The following PGM5 variants were observed in gnomAD, a reference collection of about 807,000 sequenced individuals.
PGM5 encodes the protein phosphoglucomutase 5.
A neutral mutation model predicts 59.2 loss-of-function variants in PGM5; 23 were observed. The observed-to-expected ratio is 0.39, with a 90% CI of 0.28 to 0.55. The LOEUF (loss-of-function observed/expected upper bound fraction) is 0.55. Among genes scored for constraint, PGM5 ranks in the 20% least tolerant of loss-of-function variants. The probability of loss-of-function intolerance (pLI) is 0.66; values close to 1 mark genes in which losing one functional copy is unlikely to be tolerated. For synonymous variants in PGM5, 214 were observed against 286.0 expected, an observed-to-expected ratio of 0.75 and a Z score of 2.54; for missense variants, 574 against 748.3, an observed-to-expected ratio of 0.77 and a Z score of 2.72.
chr9:68,469,400 A>G (rs993314374), intron 7 of PGM5, among the ~76,000 whole-genome samples: 1 of 152,162 alleles, frequency 6.6e-6, no homozygotes, highest in Non-Finnish European at 1.5e-5. Context: ...TTTTGTATGT[A>G]TTCATCTTTT....
Position 68,466,170 on chromosome 9 carries a change from G to A in PGM5, c.1159+962G>A, listed in dbSNP as rs140870907. 3.0e-3 allele frequency: 3,911 copies of A among 1,297,924 alleles called. 7 individuals carry two copies. Among genetic ancestry groups the A allele is most frequent in the Non-Finnish European group, 3.3e-3 (3,238 of 987,214 alleles). 80.4% of individuals were successfully genotyped at this position (1,297,924 alleles called of 1,614,324 possible). ...TTCTTCTTGTGTTTCAGTTTAGATC[G>A]TCTCTATTGGAACATCTTTAAGTTC... On this transcript the variant is annotated intron_variant, in intron 7 of 10. Coordinates refer to ENST00000396396, the MANE Select transcript of PGM5 (RefSeq NM_021965.4).
At chr9:68,463,182 GT>G (rs113568409) in intron 6 of PGM5, among the ~76,000 whole-genome samples, 5,883 of 139,908 alleles carry the variant, frequency 0.042, 232 homozygotes, top group African/African-American at 0.11. Flanking sequence ...GTTTCTAGAT[GT>G]TTTTTTTTTT....
intron 6 of PGM5, among the ~76,000 whole-genome samples, chr9:68,442,624 A>AAAT (rs1823547539): frequency 6.6e-6 from 1 of 152,250 alleles, no homozygotes; most frequent in Non-Finnish European, 1.5e-5. Flanking sequence ...AAATACACCT[A>AAAT]AATAAATGTG....
intron 6 of PGM5, among the ~76,000 whole-genome samples, chr9:68,431,035 G>A (rs1421202068): frequency 1.3e-5 from 2 of 152,178 alleles, no homozygotes; most frequent in Admixed American, 1.3e-4. Flanking sequence ...TAAATCCTGG[G>A]CCTTATGTCA....
intron 5 of PGM5, 84 bp downstream of exon 5, chr9:68,391,808 C>T: frequency 1.5e-6 from 2 of 1,368,558 alleles, no homozygotes; most frequent in Non-Finnish European, 2.0e-6. Context: ...ATGAACACAT[C>T]TGGAGCTAAC....
At chr9:68,489,739 A>G (rs375916856) in intron 9 of PGM5, among the ~76,000 whole-genome samples, 17 of 151,830 alleles carry the variant, frequency 1.1e-4, no homozygotes, top group African/African-American at 3.9e-4. Flanking sequence ...ACCAACTCCT[A>G]TATTTCTAAC....
intron 6 of PGM5, among the ~76,000 whole-genome samples, chr9:68,395,345 G>A (rs1287472464): frequency 2.2e-4 from 34 of 152,080 alleles, no homozygotes; most frequent in Middle Eastern, 3.4e-3. Context: ...TTGTTGATTC[G>A]TATGTAAATA....
chr9:68,363,714 A>G (rs1276212805), intron 1 of PGM5, among the ~76,000 whole-genome samples: 2 of 152,308 alleles, frequency 1.3e-5, no homozygotes, highest in Non-Finnish European at 2.9e-5. Flanking sequence ...AAGTCCATTC[A>G]GATGGTTGAG....
rs923918637 is a variant in PGM5 at position 68,502,724 on chromosome 9, C to T, written c.1614+3363C>T. On this transcript the variant is annotated intron_variant, in intron 10 of 10. Transcript: ENST00000396396. ...TTGTTTTTTGAGAGGAAGTCTCACT[C>T]TGTGGCCCAGGTTGAAGTGCAGTGG... is the stretch of plus-strand genomic sequence containing the variant. 3.3e-5 allele frequency among the ~76,000 whole-genome samples: 5 copies of T among 152,286 alleles called. No individual in the cohort carries two copies. In the East Asian group the frequency reaches 9.6e-4, roughly 29 times the overall value.
At chr9:68,394,719 C>G (rs1182369056) in intron 6 of PGM5, among the ~76,000 whole-genome samples, 2 of 151,664 alleles carry the variant, frequency 1.3e-5, no homozygotes, top group African/African-American at 4.8e-5. Context: ...CTGCTGGGCT[C>G]AAGCAATCCT....
intron 6 of PGM5, chr9:68,394,190 A>G (rs1554679777): frequency 1.3e-5 from 2 of 152,156 alleles, no homozygotes; most frequent in African/African-American, 4.8e-5. Flanking sequence ...GGATGTACAC[A>G]CTTTTCAAAA....
intron 6 of PGM5, among the ~76,000 whole-genome samples, chr9:68,423,212 T>C (rs1348570526): frequency 6.6e-6 from 1 of 152,178 alleles, no homozygotes; most frequent in African/African-American, 2.4e-5. Context: ...TTTCGTATAA[T>C]GACTTCTTTT....
chr9:68,376,821 C>CTTTCTT (rs1170544890), intron 1 of PGM5, among the ~76,000 whole-genome samples: 1 of 111,176 alleles, frequency 9.0e-6, no homozygotes, highest in East Asian at 2.5e-4. Flanking sequence ...TTCTTTCTTT[C>CTTTCTT]TTTCTTTCTT....
At chr9:68,432,528 GTTATAT>G (rs1274378393) in intron 6 of PGM5, among the ~76,000 whole-genome samples, 3 of 151,896 alleles carry the variant, frequency 2.0e-5, no homozygotes, top group Admixed American at 6.6e-5. Context: ...AAAAATTGAC[GTTATAT>G]TTACACTTTA....
chr9:68,472,011 C>A (rs1420227430), intron 7 of PGM5, among the ~76,000 whole-genome samples: 1 of 151,382 alleles, frequency 6.6e-6, no homozygotes, highest in Non-Finnish European at 1.5e-5. Flanking sequence ...GAGTTAGGAG[C>A]ATGCTGGTAT....
At chr9:68,405,244 C>T (rs1822774284) in intron 6 of PGM5, 2 of 152,320 alleles carry the variant, frequency 1.3e-5, no homozygotes, top group Non-Finnish European at 2.9e-5. Flanking sequence ...CCTCCTTCCC[C>T]TCATTAGGTA....
chr9:68,455,814 C>A (rs1360457302), intron 6 of PGM5, among the ~76,000 whole-genome samples: 1 of 152,178 alleles, frequency 6.6e-6, no homozygotes, highest in Non-Finnish European at 1.5e-5. Flanking sequence ...GGAACGATAT[C>A]CCACTAGGTT....
intron 6 of PGM5, among the ~76,000 whole-genome samples, chr9:68,443,285 A>G (rs1489555237): frequency 6.6e-6 from 1 of 152,232 alleles, no homozygotes; most frequent in Non-Finnish European, 1.5e-5. Flanking sequence ...ATACTGTATC[A>G]TCCCATTTGT....
chr9:68,488,559 C>T (rs74735846), intron 9 of PGM5, among the ~76,000 whole-genome samples: 8,719 of 152,238 alleles, frequency 0.057, 429 homozygotes, highest in African/African-American at 0.13. Context: ...CAACCCCTGA[C>T]ATGATTTCCC....
Sources: allele counts gnomAD v4.1 joint callset (sites outside exome capture counted in the v4.1 genomes callset), GRCh38; gene constraint gnomAD v4.1.1; transcripts MANE v1.5; gene names NCBI Gene and HGNC (gene_info 2026-07-23, HGNC 2026-07-21).